ANKRD28: variants seen among roughly 807,000 people sequenced by gnomAD.
ANKRD28 encodes serine/threonine-protein phosphatase 6 regulatory ankyrin repeat subunit A.
Under a neutral mutation model 126.5 loss-of-function variants are expected in ANKRD28, and 44 were observed. That is an observed-to-expected ratio of 0.35 (90% CI 0.27 to 0.45). The LOEUF (loss-of-function observed/expected upper bound fraction) is 0.45. Ranked by LOEUF, ANKRD28 falls within the 20% of genes least tolerant of loss-of-function variation. ANKRD28 has a pLI of 1.00. For synonymous variants in ANKRD28, 442 were observed against 468.5 expected, an observed-to-expected ratio of 0.94 and a Z score of 0.73; for missense variants, 1,110 against 1,316.6, an observed-to-expected ratio of 0.84 and a Z score of 2.43.
chr3:15,741,502 G>C (rs1308754126), intron 4 of ANKRD28, among the ~76,000 whole-genome samples: 1 of 152,056 alleles, frequency 6.6e-6, no homozygotes, highest in Non-Finnish European at 1.5e-5. Context: ...GAGGGAATGT[G>C]TAAGAAATGC....
intron 1 of ANKRD28, among the ~76,000 whole-genome samples, chr3:15,831,434 T>C (rs747399331): frequency 1.3e-5 from 2 of 152,190 alleles, no homozygotes; most frequent in Admixed American, 6.5e-5. Context: ...TTCTTTGTTA[T>C]AGAGGAACGT....
chr3:15,698,923 G>A (rs1030795533), intron 14 of ANKRD28, among the ~76,000 whole-genome samples: 16 of 152,104 alleles, frequency 1.1e-4, no homozygotes, highest in East Asian at 3.9e-4. Context: ...AAAAGAGCCC[G>A]CATTGCCAAG....
intron 3 of ANKRD28, among the ~76,000 whole-genome samples, chr3:15,758,613 C>T (rs1031628804): frequency 2.6e-5 from 4 of 152,130 alleles, no homozygotes; most frequent in African/African-American, 7.2e-5. Flanking sequence ...GAGAAGACAG[C>T]GATTTTGCAA....
At chr3:15,831,851 T>C (rs573237488) in intron 1 of ANKRD28, among the ~76,000 whole-genome samples, 2 of 152,316 alleles carry the variant, frequency 1.3e-5, no homozygotes, top group African/African-American at 4.8e-5. Flanking sequence ...CCTCTAACAA[T>C]GATCTTTAAA....
At position 15,678,242 on chromosome 3, in the gene ANKRD28, T is replaced by C. The variant is rs1386451760; in HGVS notation, c.2674A>G (p.Met892Val). ...TTTGTTTGTCCATTTTCTGCAGCCA[T>C]CATAAGAGGTGTTTTCCCTGTAGAG... Reference protein sequence around the residue: ...VDSTGKTPLMMAAENGQTNTV... With the variant: ...VDSTGKTPLMVAAENGQTNTV... The change falls in exon 24 of 28, where the codon ATG (methionine) becomes GTG (valine). Residue 892 changes from methionine (M) to valine (V), a missense_variant. By Grantham distance (21) the Met-to-Val change is conservative (BLOSUM62 1). Coordinates refer to ENST00000683139, the MANE Select transcript of ANKRD28 (RefSeq NM_001349278.2). 1.9e-6 allele frequency: 3 copies of C among 1,612,130 alleles called. No individual in the cohort carries two copies. The highest frequency in any genetic ancestry group is 1.6e-4 in the Middle Eastern group (1 of 6,080).
intron 21 of ANKRD28, among the ~76,000 whole-genome samples, chr3:15,683,289 C>G (rs1289530310): frequency 6.6e-6 from 1 of 152,028 alleles, no homozygotes; most frequent in African/African-American, 2.4e-5. Flanking sequence ...AGATATTTTC[C>G]CACTATATTA....
intron 5 of ANKRD28, 133 bp from the exon 6 acceptor site, chr3:15,735,630 C>T (rs1035400359): frequency 1.3e-5 from 8 of 631,344 alleles, no homozygotes; most frequent in Middle Eastern, 5.1e-4. Context: ...AGGAGCTAGA[C>T]TAAATACTGA....
At chr3:15,680,572 C>A (rs984714735) in intron 21 of ANKRD28, among the ~76,000 whole-genome samples, 1 of 152,074 alleles carries the variant, frequency 6.6e-6, no homozygotes, top group African/African-American at 2.4e-5. Context: ...ATTATTTAAT[C>A]TAATTATGGA....
chr3:15,785,581 T>G (rs761824496), intron 2 of ANKRD28, among the ~76,000 whole-genome samples: 6 of 152,066 alleles, frequency 3.9e-5, no homozygotes, highest in Non-Finnish European at 8.8e-5. Flanking sequence ...GGCAAGGATA[T>G]GAAACAATAG....
At chr3:15,746,612 T>A (rs2057492923) in intron 4 of ANKRD28, among the ~76,000 whole-genome samples, 1 of 152,314 alleles carries the variant, frequency 6.6e-6, no homozygotes, top group East Asian at 1.9e-4. Flanking sequence ...GGATTTGGTT[T>A]GCCAGTATTT....
In ANKRD28 at chr3:15,797,592, G is replaced by T. The variant is rs903013558; in HGVS notation, c.-1071C>A. ...AAAGGGGGGGGAAAAACATAGTAGT[G>T]TATCATTCCAGTGTTTCCTTTGATC... On this transcript the variant is annotated 5_prime_UTR_variant, in exon 1 of 28. Coordinates refer to ENST00000683139, the MANE Select transcript of ANKRD28 (RefSeq NM_001349278.2). 7 of 984,694 alleles carry T rather than the reference G, an allele frequency of 7.1e-6. No individual in the cohort carries two copies. The highest frequency in any genetic ancestry group is 7.2e-6 in the Non-Finnish European group (6 of 829,724). 61.0% of individuals were successfully genotyped at this position (984,694 alleles called of 1,614,324 possible).
At chr3:15,709,427 T>C (rs1269815160) in intron 13 of ANKRD28, among the ~76,000 whole-genome samples, 1 of 152,130 alleles carries the variant, frequency 6.6e-6, no homozygotes, top group Non-Finnish European at 1.5e-5. Flanking sequence ...ATAGCAAGTA[T>C]AGAGGCATTT....
At chr3:15,752,263 A>G (rs1367299368) in intron 3 of ANKRD28, among the ~76,000 whole-genome samples, 5 of 152,182 alleles carry the variant, frequency 3.3e-5, no homozygotes, top group Non-Finnish European at 4.4e-5. Context: ...ATAACATCAA[A>G]ATAGTTCTCC....
At chr3:15,708,578 G>C (rs2071784487) in intron 13 of ANKRD28, among the ~76,000 whole-genome samples, 1 of 152,092 alleles carries the variant, frequency 6.6e-6, no homozygotes, top group Admixed American at 6.6e-5. Flanking sequence ...TCTGTTATTT[G>C]TAGTATAGAA....
intron 14 of ANKRD28, among the ~76,000 whole-genome samples, chr3:15,699,760 A>T (rs2070275859): frequency 6.6e-6 from 1 of 152,230 alleles, no homozygotes; most frequent in Non-Finnish European, 1.5e-5. Flanking sequence ...GATGTGGAGA[A>T]ATAGGCATGC....
chr3:15,831,545 C>T (rs11128759), intron 1 of ANKRD28, among the ~76,000 whole-genome samples: 16,789 of 152,172 alleles, frequency 0.11, 1,554 homozygotes, highest in East Asian at 0.56. Flanking sequence ...AAAAATGTCT[C>T]CAGACACTGT....
chr3:15,762,691 A>G (rs972641617), intron 3 of ANKRD28, among the ~76,000 whole-genome samples: 1 of 152,200 alleles, frequency 6.6e-6, no homozygotes, highest in African/African-American at 2.4e-5. Context: ...CACAGAGAAG[A>G]TAATTCCTGA....
chr3:15,850,224 T>TATATATATATAGAGAGAGAGAGAGAG (rs1418223588), intron 1 of ANKRD28, among the ~76,000 whole-genome samples: 4 of 35,110 alleles, frequency 1.1e-4, no homozygotes, highest in Non-Finnish European at 1.2e-4. Context: ...TATATATATA[T>TATATATATATAGAGAGAGAGAGAGAG]AGAGAGAGAG....
At chr3:15,749,255 C>T (rs1019129905) in intron 4 of ANKRD28, among the ~76,000 whole-genome samples, 12 of 150,816 alleles carry the variant, frequency 8.0e-5, no homozygotes, top group Admixed American at 1.3e-4. Flanking sequence ...GGACTACAGG[C>T]GCCCGCCACC....
Sources: gnomAD v4.1 joint callset for allele counts (sites outside exome capture counted in the v4.1 genomes callset) on GRCh38, gnomAD v4.1.1 for gene constraint, MANE v1.5 for transcripts, NCBI Gene and HGNC (gene_info 2026-07-23, HGNC 2026-07-21) for gene names.